The following ABCC3 variants were observed in gnomAD, a reference collection of about 807,000 sequenced individuals.
ABCC3 encodes the protein ATP-binding cassette sub-family C member 3.
A neutral mutation model predicts 165.3 loss-of-function variants in ABCC3; 121 were observed. The ratio of observed to expected loss-of-function variants is 0.73; its 90% CI spans 0.63 to 0.85. The LOEUF (loss-of-function observed/expected upper bound fraction) is 0.85. Among genes scored for constraint, ABCC3 ranks in the 40% least tolerant of loss-of-function variants. The probability of loss-of-function intolerance (pLI) is 0.00; values close to 1 mark genes in which losing one functional copy is unlikely to be tolerated. For missense variants in ABCC3, 1,869 were observed against 1,964.1 expected, an observed-to-expected ratio of 0.95 and a Z score of 0.92; for synonymous variants, 733 against 810.1, an observed-to-expected ratio of 0.90 and a Z score of 1.62.
At position 50,678,129 on chromosome 17, in the gene ABCC3, C is replaced by T. The variant is rs1020000343; in HGVS notation, c.3615C>T (p.Cys1205=). 9.5e-6 allele frequency: 15 copies of T among 1,582,780 alleles called. 1 individual carries two copies. Among genetic ancestry groups the T allele is most frequent in the East Asian group, 9.0e-5 (4 of 44,620 alleles). The change falls in exon 25 of 31, where the codon TGC becomes TGT. Residue 1205 remains cysteine, a synonymous_variant. Coordinates refer to ENST00000285238, the MANE Select transcript of ABCC3 (RefSeq NM_003786.4). ...LSIGVEFVGN[C]VVLFAALFAV... ...TCGGAGTGGAGTTCGTGGGGAACTG[C>T]GTGGTGCTCTTTGCTGCACTATTTG...
At chr17:50,664,931 T>C (rs565821847) in intron 10 of ABCC3, among the ~76,000 whole-genome samples, 1 of 152,250 alleles carries the variant, frequency 6.6e-6, no homozygotes, top group South Asian at 2.1e-4. Flanking sequence ...TGGACACCCT[T>C]CTATATCTGC....
Position 50,665,236 on chromosome 17 carries a change from C to T in ABCC3, c.1422C>T (p.Arg474=), listed in dbSNP as rs145605804. Residue 474 remains arginine (R), a synonymous_variant, in exon 11 of 31, where the codon CGC becomes CGT. Transcript: ENST00000285238. ...PLNGAVAVKM[R]AFQVKQMKLK... Reference sequence around the variant, plus strand: ...ACGGAGCTGTGGCCGTGAAGATGCGCGCCTTCCAGGTAGGTGCTGTCAGAG... The same window carrying T: ...ACGGAGCTGTGGCCGTGAAGATGCGTGCCTTCCAGGTAGGTGCTGTCAGAG... 38 of 1,614,064 alleles carry T rather than the reference C, an allele frequency of 2.4e-5. No homozygotes were observed. The highest frequency in any genetic ancestry group is 1.8e-4 in the East Asian group (8 of 44,882).
intron 8 of ABCC3, chr17:50,663,413 A>C (rs913260167): frequency 6.4e-5 from 31 of 482,088 alleles, no homozygotes; most frequent in Non-Finnish European, 9.3e-5. Flanking sequence ...GAAGGCAGGC[A>C]GGTGAGGCTG....
chr17:50,691,547 C>T lies in ABCC3; in HGVS notation c.*347C>T, dbSNP rs188809847. On this transcript the variant is annotated 3_prime_UTR_variant, in exon 31 of 31. Transcript: ENST00000285238. Reference sequence around the variant, plus strand: ...TGATTTTTCATATTTTCTAAAGTTTCGTTTCTGTTTTTTAATAAAAAGCTT... The same window carrying T: ...TGATTTTTCATATTTTCTAAAGTTTTGTTTCTGTTTTTTAATAAAAAGCTT... 2.8e-4 allele frequency: 55 copies of T among 197,478 alleles called. 1 individual carries two copies. The highest frequency in any genetic ancestry group is 2.6e-3 in the Admixed American group (47 of 18,338). The allele number at this position is 197,478 out of a possible 1,614,324, so 12.2% of individuals were successfully genotyped here. A position where few individuals can be genotyped will look rare whatever the true frequency, so the allele number is the denominator to read the frequency against.
chr17:50,653,417 G>GA (rs961927167), intron 1 of ABCC3, among the ~76,000 whole-genome samples: 4 of 150,656 alleles, frequency 2.7e-5, no homozygotes, highest in Non-Finnish European at 5.9e-5. Context: ...GAGCTTATTT[G>GA]AAAAAATAAG....
chr17:50,685,069 C>T (rs1159336673), intron 29 of ABCC3, among the ~76,000 whole-genome samples, 194 bp downstream of exon 29: 5 of 152,286 alleles, frequency 3.3e-5, no homozygotes, highest in East Asian at 1.9e-4. Context: ...CAAGCCCCAG[C>T]GGTGGTCCAT....
At chr17:50,687,238 G>GTGGT in intron 29 of ABCC3, 2 of 415,226 alleles carry the variant, frequency 4.8e-6, no homozygotes, top group Admixed American at 3.7e-5. Context: ...AAACATCACG[G>GTGGT]CACTAGCTGA....
At position 50,677,739 on chromosome 17, in the gene ABCC3, A is replaced by C; in HGVS notation, c.3379-5A>C. ...CTGACCCCAAACTCCTTCTCCCTCC[A>C]TCAGCGCTTCTATGCAGCCACATCA... On this transcript the variant is annotated splice_region_variant and splice_polypyrimidine_tract_variant and intron_variant, in intron 23 of 30. Coordinates refer to ENST00000285238, the MANE Select transcript of ABCC3 (RefSeq NM_003786.4). The C allele has an allele frequency of 6.2e-7, 1 of 1,613,588 alleles. No individual in the cohort carries two copies. The highest frequency in any genetic ancestry group is 1.1e-5 in the South Asian group (1 of 91,054).
rs1201954518 is a variant in ABCC3 at position 50,676,353 on chromosome 17, T to C, written c.3143T>C (p.Leu1048Pro). 2 of 1,614,100 alleles carry C rather than the reference T, an allele frequency of 1.2e-6. No individual in the cohort carries two copies. Among genetic ancestry groups the C allele is most frequent in the Non-Finnish European group, 8.5e-7 (1 of 1,180,040 alleles). The change falls in exon 23 of 31, where the codon CTG becomes CCG. Residue 1048 changes from leucine (L) to proline (P), a missense_variant. Transcript: ENST00000285238. Reference protein sequence around the residue: ...IQAARVLHQALLHNKIRSPQS... With the variant: ...IQAARVLHQAPLHNKIRSPQS... ...GCTGCCCGTGTGTTGCACCAGGCAC[T>C]GCTGCACAACAAGATACGCTCGCCA...
rs137911252 is a variant in ABCC3, at chr17:50,668,449, G to A, written c.1802G>A (p.Arg601Gln). 16 of 1,613,812 alleles carry A rather than the reference G, an allele frequency of 9.9e-6. No individual in the cohort carries two copies. Among genetic ancestry groups the A allele is most frequent in the African/African-American group, 2.7e-5 (2 of 74,870 alleles). ...NLTQASVSLK[R>Q]IQQFLSQEEL... ...CCGTAGGCCAGTGTGTCTCTGAAACGGATCCAGCAATTCCTGAGCCAAGAG... is the reference window on the plus strand; with the variant it reads ...CCGTAGGCCAGTGTGTCTCTGAAACAGATCCAGCAATTCCTGAGCCAAGAG... Residue 601 changes from arginine (R) to glutamine (Q), a missense_variant, in exon 14 of 31, where the codon CGG becomes CAG. Transcript: ENST00000285238.
At chr17:50,672,495 T>C (rs190012068) in intron 17 of ABCC3, among the ~76,000 whole-genome samples, 1 of 152,316 alleles carries the variant, frequency 6.6e-6, no homozygotes, top group Admixed American at 6.5e-5. Context: ...CCAGGAGGAC[T>C]TACCCTTTAC....
At chr17:50,667,810 G>T (rs752996867) in intron 12 of ABCC3, 53 bp downstream of exon 12, 1 of 1,613,524 alleles carries the variant, frequency 6.2e-7, no homozygotes. Context: ...GGGTGCCCAG[G>T]CATGGCCAGG....
chr17:50,635,787 G>A, intron 1 of ABCC3: 1 of 588,090 alleles, frequency 1.7e-6, no homozygotes, highest in Non-Finnish European at 3.0e-6. Context: ...GGAGGCAGAG[G>A]TGGGAGGATC....
chr17:50,672,908 G>C (rs2146626965), intron 17 of ABCC3, 63 bp from the exon 18 acceptor site: 1 of 1,488,340 alleles, frequency 6.7e-7, no homozygotes, highest in East Asian at 2.3e-5. Flanking sequence ...AATAACAGTG[G>C]ACAGGCCGTT....
At chr17:50,639,739 A>G (rs2054210530) in intron 1 of ABCC3, among the ~76,000 whole-genome samples, 1 of 149,316 alleles carries the variant, frequency 6.7e-6, no homozygotes, top group South Asian at 2.1e-4. Context: ...ATGAGAGCCT[A>G]ACTCTAGGCT....
At chr17:50,654,049 A>C (rs559828766) in intron 1 of ABCC3, among the ~76,000 whole-genome samples, 1 of 152,350 alleles carries the variant, frequency 6.6e-6, no homozygotes, top group South Asian at 2.1e-4. Context: ...CTTAAGGCCA[A>C]ATTTAATCTA....
chr17:50,668,638 C>CCTCT, intron 14 of ABCC3, 121 bp downstream of exon 14: 1 of 839,768 alleles, frequency 1.2e-6, no homozygotes, highest in Non-Finnish European at 1.9e-6. Flanking sequence ...ACATCTGCTT[C>CCTCT]GACTCTGACC....
Position 50,655,421 on chromosome 17 carries a change from AC to A in ABCC3, c.46-410del, listed in dbSNP as rs66518038. Among the ~76,000 whole-genome samples the A allele has an allele frequency of 1.9e-4, 27 of 145,918 alleles. 1 individual carries two copies. Among genetic ancestry groups the A allele is most frequent in the South Asian group, 4.4e-4 (2 of 4,574 alleles). ...CTCTGTCTCAAAAAAAAAAAAAAAA[AC>A]AAAAACAAAAAAAAAAGAGTGGGAA... On this transcript the variant is annotated intron_variant, in intron 1 of 30. Transcript: ENST00000285238.
At position 50,675,718 on chromosome 17, in the gene ABCC3, G is replaced by A. The variant is rs1436178583; in HGVS notation, c.2802G>A (p.Val934=). ...TGGGTCCATCAGAGAAGGTGCAGGT[G>A]ACAGAGGCGAAGGCAGATGGGGCAC... is the stretch of plus-strand genomic sequence containing the variant. ...RHLGPSEKVQ[V]TEAKADGALT... is the part of the protein sequence containing the mutation. The change falls in exon 21 of 31, where the codon GTG becomes GTA. Residue 934 remains valine, a synonymous_variant. Transcript: ENST00000285238. The A allele has an allele frequency of 1.3e-6, 2 of 1,565,738 alleles. No homozygotes were observed. The highest frequency in any genetic ancestry group is 2.4e-5 in the East Asian group (1 of 42,254).
Sources: allele counts gnomAD v4.1 joint callset (sites outside exome capture counted in the v4.1 genomes callset), GRCh38; gene constraint gnomAD v4.1.1; transcripts MANE v1.5; gene names NCBI Gene and HGNC (gene_info 2026-07-23, HGNC 2026-07-21).